The following RNGTT variants were observed in gnomAD, a reference collection of about 807,000 sequenced individuals.
RNGTT encodes RNA guanylyltransferase and 5'-phosphatase.
In RNGTT, 33 loss-of-function variants were observed where a neutral mutation model predicts 79.3. The ratio of observed to expected loss-of-function variants is 0.42; its 90% confidence interval spans 0.32 to 0.56. RNGTT has a LOEUF of 0.56. Among genes scored for constraint, RNGTT ranks in the 20% least tolerant of loss-of-function variants. RNGTT has a pLI of 0.17. For synonymous variants in RNGTT, 222 were observed against 235.9 expected, an observed-to-expected ratio of 0.94 and a Z score of 0.54; for missense variants, 497 against 739.1, an observed-to-expected ratio of 0.67 and a Z score of 3.80.
At chr6:88,726,979 T>C (rs9342154) in intron 13 of RNGTT, among the ~76,000 whole-genome samples, 19,413 of 148,036 alleles carry the variant, frequency 0.13, 1,420 homozygotes, top group Middle Eastern at 0.23. Context: ...AGAATGATTA[T>C]CATCTCTGGG....
intron 8 of RNGTT, among the ~76,000 whole-genome samples, chr6:88,863,687 G>T (rs1429930351): frequency 6.6e-6 from 1 of 152,144 alleles, no homozygotes; most frequent in Non-Finnish European, 1.5e-5. Flanking sequence ...CCCAGTGTCA[G>T]TTTCTAGATT....
chr6:88,883,722 T>A (rs1176918847), intron 8 of RNGTT, among the ~76,000 whole-genome samples: 2 of 152,146 alleles, frequency 1.3e-5, no homozygotes, highest in Non-Finnish European at 1.5e-5. Flanking sequence ...TCTTCTTCAA[T>A]CTCAGTATAA....
chr6:88,748,639 A>G (rs1452899702), intron 13 of RNGTT, among the ~76,000 whole-genome samples: 2 of 152,146 alleles, frequency 1.3e-5, no homozygotes, highest in African/African-American at 4.8e-5. Context: ...AATAAAATGT[A>G]AGTTCCATGA....
intron 6 of RNGTT, among the ~76,000 whole-genome samples, chr6:88,900,755 T>TAAA (rs796368449): frequency 3.3e-5 from 2 of 61,104 alleles, no homozygotes; most frequent in African/African-American, 1.0e-4. Context: ...ATAAAAAGAA[T>TAAA]AAAAAAAAAA....
chr6:88,915,027 C>T (rs1460180849), intron 4 of RNGTT, among the ~76,000 whole-genome samples: 2 of 152,084 alleles, frequency 1.3e-5, no homozygotes. Context: ...AAATGCTCAC[C>T]ATCAATTACC....
Position 88,647,701 on chromosome 6 carries a change from T to TAAAAAAAAAAAAAAAAAAAA in RNGTT, c.1506+30651_1506+30652insTTTTTTTTTTTTTTTTTTTT, listed in dbSNP as rs746472579. ...CTGGGTGACAGAACCGACACCCTGTTAAAAAAAAAAAAAAAAGAAGAAGAA... is the reference window on the plus strand; with the variant it reads ...CTGGGTGACAGAACCGACACCCTGTTAAAAAAAAAAAAAAAAAAAAAAAAAAAAAAAAAAAAGAAGAAGAA... On this transcript the variant is annotated intron_variant, in intron 14 of 15. Coordinates refer to ENST00000369485, the MANE Select transcript of RNGTT (RefSeq NM_003800.5). Among the ~76,000 whole-genome samples the TAAAAAAAAAAAAAAAAAAAA allele has an allele frequency of 2.5e-3, 254 of 100,772 alleles. 1 individual carries two copies. The highest frequency in any genetic ancestry group is 4.9e-3 in the African/African-American group (96 of 19,538). The allele number at this position is 100,772 out of a possible 152,430, so 66.1% of individuals were successfully genotyped here.
chr6:88,668,306 G>A (rs1050480966), intron 14 of RNGTT, among the ~76,000 whole-genome samples: 1 of 152,150 alleles, frequency 6.6e-6, no homozygotes, highest in African/African-American at 2.4e-5. Flanking sequence ...GACCTGGGAG[G>A]TGAGACCAAG....
At chr6:88,953,593 T>G (rs144847814) in intron 1 of RNGTT, among the ~76,000 whole-genome samples, 3,289 of 152,286 alleles carry the variant, frequency 0.022, 37 homozygotes, top group Non-Finnish European at 0.033. Context: ...GCTAGAGATC[T>G]AGACATCCAA....
intron 13 of RNGTT, among the ~76,000 whole-genome samples, chr6:88,754,740 A>T (rs945324997): frequency 1.3e-5 from 2 of 152,200 alleles, no homozygotes; most frequent in Non-Finnish European, 2.9e-5. Flanking sequence ...AACCACTTAA[A>T]GGCGTTCTTA....
intron 13 of RNGTT, among the ~76,000 whole-genome samples, chr6:88,695,127 C>T (rs964056280): frequency 9.2e-5 from 14 of 151,972 alleles, no homozygotes; most frequent in African/African-American, 3.4e-4. Flanking sequence ...TTGAATTTGA[C>T]CCTAAAAGTT....
Position 88,698,378 on chromosome 6 carries a change from A to C in RNGTT, c.1440-19959T>G, listed in dbSNP as rs117701495. 4.9e-3 allele frequency among the ~76,000 whole-genome samples: 725 copies of C among 147,736 alleles called. 3 individuals carry two copies. Among genetic ancestry groups the C allele is most frequent in the Non-Finnish European group, 7.9e-3 (532 of 67,142 alleles). On this transcript the variant is annotated intron_variant, in intron 13 of 15. Coordinates refer to ENST00000369485, the MANE Select transcript of RNGTT (RefSeq NM_003800.5). ...TATTAGAAATGAAAAATTGCTAGCTATCTTGATTTTTAAGTAATTAATTCC... is the reference window on the plus strand; with the variant it reads ...TATTAGAAATGAAAAATTGCTAGCTCTCTTGATTTTTAAGTAATTAATTCC...
intron 14 of RNGTT, among the ~76,000 whole-genome samples, chr6:88,620,250 C>G (rs1772394025): frequency 6.6e-6 from 1 of 152,176 alleles, no homozygotes; most frequent in Admixed American, 6.5e-5. Flanking sequence ...AAAGCAGTTA[C>G]TTAGGAAAGA....
At chr6:88,862,535 CG>C (rs1004586064) in intron 8 of RNGTT, among the ~76,000 whole-genome samples, 1 of 152,138 alleles carries the variant, frequency 6.6e-6, no homozygotes, top group African/African-American at 2.4e-5. Flanking sequence ...AACCAGTAAA[CG>C]TAAGTTTCCC....
chr6:88,747,810 A>G (rs143615106), intron 13 of RNGTT, among the ~76,000 whole-genome samples: 133 of 152,320 alleles, frequency 8.7e-4, no homozygotes, highest in Non-Finnish European at 1.6e-3. Context: ...CTATACATTC[A>G]TTTGGCCCAT....
At chr6:88,823,651 A>T (rs538225440) in intron 11 of RNGTT, among the ~76,000 whole-genome samples, 52 of 152,302 alleles carry the variant, frequency 3.4e-4, no homozygotes, top group African/African-American at 1.2e-3. Flanking sequence ...CAAAAAATAG[A>T]CTAATGGATG....
chr6:88,836,887 C>T (rs1781099186), intron 11 of RNGTT, among the ~76,000 whole-genome samples: 1 of 151,386 alleles, frequency 6.6e-6, no homozygotes, highest in South Asian at 2.1e-4. Flanking sequence ...AGATCAAGTG[C>T]AAAAAAATAC....
At chr6:88,922,745 G>A (rs572740060) in intron 4 of RNGTT, among the ~76,000 whole-genome samples, 2 of 152,160 alleles carry the variant, frequency 1.3e-5, no homozygotes, top group South Asian at 4.2e-4. Flanking sequence ...TAGTCAGGAT[G>A]GTCTTGATCT....
intron 13 of RNGTT, among the ~76,000 whole-genome samples, chr6:88,727,002 TG>T (rs71554793): frequency 0.16 from 23,284 of 143,120 alleles, 1,973 homozygotes; most frequent in Middle Eastern, 0.26. Flanking sequence ...AAAAAAGGGG[TG>T]GGGGGGGAGA....
chr6:88,624,907 A>G (rs762302497), intron 14 of RNGTT, among the ~76,000 whole-genome samples: 1 of 151,988 alleles, frequency 6.6e-6, no homozygotes, highest in Admixed American at 6.6e-5. Context: ...AAAATGGGCA[A>G]AAGATTTGAA....
Sources: allele counts gnomAD v4.1 joint callset (sites outside exome capture counted in the v4.1 genomes callset), GRCh38; gene constraint gnomAD v4.1.1; transcripts MANE v1.5; gene names NCBI Gene and HGNC (gene_info 2026-07-23, HGNC 2026-07-21).